GRIK4: variants seen among roughly 807,000 people sequenced by gnomAD.
GRIK4 encodes glutamate receptor ionotropic, kainate 4.
GRIK4 carries 40 observed loss-of-function variants against 104.9 expected under a neutral mutation model. That is an observed-to-expected ratio of 0.38 (90% CI 0.30 to 0.50). The LOEUF is 0.50. Ranked by LOEUF, GRIK4 falls within the 20% of genes least tolerant of loss-of-function variation. The pLI, the probability that GRIK4 is intolerant of heterozygous loss-of-function variation, is 0.93. For missense variants in GRIK4, 1,047 were observed against 1,308.1 expected (o/e 0.80, Z 3.08); for synonymous variants, 485 against 524.9 (o/e 0.92, Z 1.04).
At chr11:120,608,060 TAAG>T (rs1948984433) in intron 1 of GRIK4, among the ~76,000 whole-genome samples, 1 of 152,012 alleles carries the variant, frequency 6.6e-6, no homozygotes, top group Admixed American at 6.5e-5. Context: ...AGTCGTGTGG[TAAG>T]GAGCAGAAGC....
chr11:120,537,125 G>A (rs1022959402), intron 1 of GRIK4, among the ~76,000 whole-genome samples: 1 of 152,218 alleles, frequency 6.6e-6, no homozygotes, highest in Non-Finnish European at 1.5e-5. Flanking sequence ...TCAAAAGACA[G>A]AGGACTCAGG....
At position 120,642,403 on chromosome 11, in the gene GRIK4, C is replaced by A. The variant is rs78562158; in HGVS notation, c.-158-11282C>A. On this transcript the variant is annotated intron_variant, in intron 1 of 20. Transcript: ENST00000527524. ...CACGAAAAGAACATTGACGGAGCAGCTGGGAGATGCGGGTATTAGAACCTG... is the reference window on the plus strand; with the variant it reads ...CACGAAAAGAACATTGACGGAGCAGATGGGAGATGCGGGTATTAGAACCTG... Among the ~76,000 whole-genome samples the A allele has an allele frequency of 1.5e-3, 223 of 152,048 alleles. 3 individuals carry two copies. In the East Asian group the frequency reaches 0.033, roughly 22 times the overall value.
At chr11:120,884,357 T>C (rs1161355620) in intron 11 of GRIK4, among the ~76,000 whole-genome samples, 2 of 152,232 alleles carry the variant, frequency 1.3e-5, no homozygotes, top group Non-Finnish European at 2.9e-5. Flanking sequence ...GTGTGCCGTA[T>C]TCCCGGAGTC....
At chr11:120,968,661 A>G (rs1218633659) in intron 19 of GRIK4, among the ~76,000 whole-genome samples, 1 of 152,146 alleles carries the variant, frequency 6.6e-6, no homozygotes, top group Non-Finnish European at 1.5e-5. Flanking sequence ...GAGGCCACAC[A>G]CTTCTTGGCT....
chr11:120,887,221 C>T (rs146641230), intron 11 of GRIK4, among the ~76,000 whole-genome samples: 13 of 152,314 alleles, frequency 8.5e-5, no homozygotes, highest in Admixed American at 4.6e-4. Flanking sequence ...TGGAGAGGAG[C>T]CTTCCTTGTA....
intron 3 of GRIK4, among the ~76,000 whole-genome samples, chr11:120,729,579 A>G (rs897760869): frequency 2.0e-5 from 3 of 152,218 alleles, no homozygotes; most frequent in African/African-American, 7.2e-5. Context: ...ATGTGTATTC[A>G]GATCTTTTGC....
chr11:120,962,002 G>GGATGGAAAATAGGAAACTGCTTCTTC (rs1944295022), intron 17 of GRIK4, among the ~76,000 whole-genome samples: 1 of 152,148 alleles, frequency 6.6e-6, no homozygotes, highest in Non-Finnish European at 1.5e-5. Context: ...GGTTTAGGGT[G>GGATGGAAAATAGGAAACTGCTTCTTC]GATGGAAAAT....
chr11:120,711,344 C>A (rs1382638104), intron 3 of GRIK4, among the ~76,000 whole-genome samples: 1 of 152,154 alleles, frequency 6.6e-6, no homozygotes, highest in Non-Finnish European at 1.5e-5. Context: ...ACGAGATGTT[C>A]CTCGCTTCAT....
intron 13 of GRIK4, among the ~76,000 whole-genome samples, chr11:120,938,244 C>A (rs1943640902): frequency 6.6e-6 from 1 of 152,140 alleles, no homozygotes; most frequent in African/African-American, 2.4e-5. Context: ...TCTAAAGAGT[C>A]CCCCAAATGA....
chr11:120,880,693 G>A (rs1954946268), intron 11 of GRIK4, among the ~76,000 whole-genome samples: 1 of 152,226 alleles, frequency 6.6e-6, no homozygotes, highest in Non-Finnish European at 1.5e-5. Context: ...CTGGGCTGAG[G>A]AATTCACTGC....
At chr11:120,842,128 G>A (rs1033707045) in intron 8 of GRIK4, among the ~76,000 whole-genome samples, 2 of 152,192 alleles carry the variant, frequency 1.3e-5, no homozygotes, top group African/African-American at 4.8e-5. Flanking sequence ...GGTAGGTAAT[G>A]CTAGCTGCTA....
intron 7 of GRIK4, 93 bp downstream of exon 7, chr11:120,832,123 C>T: frequency 1.2e-6 from 1 of 824,404 alleles, no homozygotes; most frequent in East Asian, 2.6e-5. Flanking sequence ...CTGACGGAGC[C>T]CCGGGCTGGA....
intron 6 of GRIK4, 94 bp from the exon 7 acceptor site, chr11:120,831,758 C>A: frequency 1.1e-6 from 1 of 923,134 alleles, no homozygotes; most frequent in South Asian, 1.6e-5. Context: ...GACCCCACTT[C>A]CAGCCCACAT....
At chr11:120,971,325 C>T (rs771218426) in intron 19 of GRIK4, among the ~76,000 whole-genome samples, 2 of 152,204 alleles carry the variant, frequency 1.3e-5, no homozygotes, top group Non-Finnish European at 2.9e-5. Context: ...CAGAACATCA[C>T]CTGCCATCAG....
intron 13 of GRIK4, among the ~76,000 whole-genome samples, chr11:120,917,441 A>G (rs1943135106): frequency 6.6e-6 from 1 of 152,100 alleles, no homozygotes; most frequent in South Asian, 2.1e-4. Context: ...AAGCTTACAG[A>G]CCGGGCGGTA....
intron 8 of GRIK4, among the ~76,000 whole-genome samples, chr11:120,856,984 C>A (rs1018511012): frequency 3.3e-5 from 5 of 152,202 alleles, no homozygotes; most frequent in Non-Finnish European, 5.9e-5. Context: ...GTCTGCCCAA[C>A]CTTTCCCTTA....
At chr11:120,968,189 C>T (rs1030974074) in intron 19 of GRIK4, among the ~76,000 whole-genome samples, 15 of 152,268 alleles carry the variant, frequency 9.9e-5, no homozygotes, top group East Asian at 1.9e-4. Flanking sequence ...GAAGTGTTGA[C>T]GGTCCCTGAG....
At chr11:120,558,946 C>T (rs1565549367) in intron 1 of GRIK4, among the ~76,000 whole-genome samples, 1 of 152,160 alleles carries the variant, frequency 6.6e-6, no homozygotes, top group Non-Finnish European at 1.5e-5. Flanking sequence ...TAAGGCCTCA[C>T]CATGGTGATG....
At chr11:120,528,255 G>T (rs963054779) in intron 1 of GRIK4, among the ~76,000 whole-genome samples, 1 of 152,172 alleles carries the variant, frequency 6.6e-6, no homozygotes, top group African/African-American at 2.4e-5. Flanking sequence ...GGGACTACAG[G>T]TGCCCGCCAC....
Sources: gnomAD v4.1 joint callset for allele counts (sites outside exome capture counted in the v4.1 genomes callset) on GRCh38, gnomAD v4.1.1 for gene constraint, MANE v1.5 for transcripts, NCBI Gene and HGNC (gene_info 2026-07-23, HGNC 2026-07-21) for gene names.